The following PDE7B variants were observed in gnomAD, a reference collection of about 807,000 sequenced individuals.
PDE7B encodes the protein phosphodiesterase 7B.
Under a neutral mutation model 56.2 loss-of-function variants are expected in PDE7B, and 29 were observed. The observed-to-expected ratio is 0.52, with a 90% CI of 0.38 to 0.70. The LOEUF (loss-of-function observed/expected upper bound fraction) is 0.70. PDE7B is among the 30% of genes least tolerant of loss of function. The pLI is 0.00. For missense variants in PDE7B, 490 were observed against 565.0 expected, an observed-to-expected ratio of 0.87 and a Z score of 1.35; for synonymous variants, 197 against 196.9, an observed-to-expected ratio of 1.00 and a Z score of 0.00.
chr6:135,906,810 GTTTTTTTTTTTTTT>G (rs869049424), intron 1 of PDE7B, among the ~76,000 whole-genome samples: 1 of 59,506 alleles, frequency 1.7e-5, no homozygotes, highest in South Asian at 8.3e-4. Flanking sequence ...AATGAGGTTT[GTTTTTTTTTTTTTT>G]TTTTTTTTTT....
chr6:135,934,376 A>T (rs114528574), intron 1 of PDE7B, among the ~76,000 whole-genome samples: 1 of 152,158 alleles, frequency 6.6e-6, no homozygotes, highest in Non-Finnish European at 1.5e-5. Context: ...AACAAATTTT[A>T]TTTATTTATT....
At chr6:135,959,215 C>T (rs564020707) in intron 2 of PDE7B, among the ~76,000 whole-genome samples, 86 of 152,128 alleles carry the variant, frequency 5.7e-4, no homozygotes, top group African/African-American at 2.0e-3. Context: ...GCCAGAAATG[C>T]TAATAGGATA....
intron 1 of PDE7B, among the ~76,000 whole-genome samples, chr6:135,921,067 C>T (rs1356009478): frequency 6.6e-6 from 1 of 152,014 alleles, no homozygotes; most frequent in African/African-American, 2.4e-5. Context: ...GGTCAGGCCC[C>T]GAGGAGGATC....
chr6:135,924,276 G>T (rs1774143152), intron 1 of PDE7B, among the ~76,000 whole-genome samples: 1 of 152,168 alleles, frequency 6.6e-6, no homozygotes, highest in Non-Finnish European at 1.5e-5. Context: ...CAATTTAATT[G>T]TTCTGATGTA....
intron 9 of PDE7B, among the ~76,000 whole-genome samples, chr6:136,175,027 AAAG>A (rs1243306206): frequency 1.3e-5 from 2 of 152,196 alleles, no homozygotes. Flanking sequence ...TGAGGACAGG[AAAG>A]AAGAAAATGC....
chr6:135,958,289 G>A (rs900978131), intron 2 of PDE7B, among the ~76,000 whole-genome samples: 23 of 152,002 alleles, frequency 1.5e-4, no homozygotes, highest in Admixed American at 1.4e-3. Flanking sequence ...TTCATTTTCC[G>A]CTTCTATAAA....
chr6:136,000,974 C>T (rs1358021297), intron 2 of PDE7B, among the ~76,000 whole-genome samples: 1 of 152,212 alleles, frequency 6.6e-6, no homozygotes, highest in Non-Finnish European at 1.5e-5. Context: ...TGACACCTCA[C>T]ACAGCCGGGT....
At chr6:136,048,135 T>C (rs1013929771) in intron 2 of PDE7B, among the ~76,000 whole-genome samples, 1 of 151,096 alleles carries the variant, frequency 6.6e-6, no homozygotes, top group South Asian at 2.1e-4. Flanking sequence ...ATATATAATA[T>C]ACTAAATGTG....
chr6:136,009,267 A>G lies in PDE7B; in HGVS notation c.82+61743A>G, dbSNP rs375703000. Among the ~76,000 whole-genome samples the G allele has an allele frequency of 2.0e-3, 302 of 151,700 alleles. 2 individuals are homozygous for G. The East Asian group carries it at 0.028, about 14-fold the overall frequency. On this transcript the variant is annotated intron_variant, in intron 2 of 12. Coordinates refer to ENST00000308191, the MANE Select transcript of PDE7B (RefSeq NM_018945.4). Reference sequence around the variant, plus strand: ...GTAGTATAGTTTGAAGTCAGGTAGCATGATGCCTCCAGCTTTGTTCTTTTG... The same window carrying G: ...GTAGTATAGTTTGAAGTCAGGTAGCGTGATGCCTCCAGCTTTGTTCTTTTG...
At chr6:136,057,247 C>G (rs1253337780) in intron 2 of PDE7B, among the ~76,000 whole-genome samples, 1 of 152,194 alleles carries the variant, frequency 6.6e-6, no homozygotes, top group East Asian at 1.9e-4. Flanking sequence ...CCTTGAAGAT[C>G]AGGAAGCACT....
At chr6:136,156,018 A>G (rs1441679415) in intron 8 of PDE7B, 1 of 561,344 alleles carries the variant, frequency 1.8e-6, no homozygotes, top group Non-Finnish European at 3.4e-6. Context: ...TAAAATCTCT[A>G]AAGAGTAAAT....
chr6:135,905,184 C>G (rs1288022649), intron 1 of PDE7B, among the ~76,000 whole-genome samples: 1 of 152,130 alleles, frequency 6.6e-6, no homozygotes, highest in Non-Finnish European at 1.5e-5. Flanking sequence ...ACTAAAAAAT[C>G]AACCAAGTGC....
At chr6:136,170,085 A>G (rs1489083629) in intron 8 of PDE7B, among the ~76,000 whole-genome samples, 1 of 152,108 alleles carries the variant, frequency 6.6e-6, no homozygotes, top group African/African-American at 2.4e-5. Flanking sequence ...AGCTTTCCTG[A>G]CTTGTGTTTT....
At chr6:136,069,996 A>G (rs1400630370) in intron 2 of PDE7B, among the ~76,000 whole-genome samples, 1 of 152,176 alleles carries the variant, frequency 6.6e-6, no homozygotes, top group African/African-American at 2.4e-5. Flanking sequence ...TATTAAACTG[A>G]TAAATATCAA....
chr6:135,967,275 C>G (rs866168396), intron 2 of PDE7B, among the ~76,000 whole-genome samples: 6 of 152,106 alleles, frequency 3.9e-5, no homozygotes, highest in African/African-American at 1.4e-4. Context: ...TCCAACAACC[C>G]GCTATGTAAC....
chr6:136,116,851 A>G (rs1777839385), intron 3 of PDE7B, among the ~76,000 whole-genome samples: 1 of 152,200 alleles, frequency 6.6e-6, no homozygotes, highest in South Asian at 2.1e-4. Context: ...GGGCCCCTGT[A>G]TTTTTAGTTT....
chr6:135,974,057 A>G (rs2128203314), intron 2 of PDE7B, among the ~76,000 whole-genome samples: 1 of 152,332 alleles, frequency 6.6e-6, no homozygotes, highest in Non-Finnish European at 1.5e-5. Context: ...CATTCCTAAC[A>G]TCTTGGTAAT....
At chr6:136,166,680 A>T (rs767058989) in intron 8 of PDE7B, among the ~76,000 whole-genome samples, 9 of 152,138 alleles carry the variant, frequency 5.9e-5, no homozygotes, top group Non-Finnish European at 1.2e-4. Context: ...AACCACACTC[A>T]TAATCCAATC....
At chr6:136,165,003 T>A (rs1233696147) in intron 8 of PDE7B, among the ~76,000 whole-genome samples, 2 of 152,220 alleles carry the variant, frequency 1.3e-5, no homozygotes, top group African/African-American at 4.8e-5. Context: ...ACATCTTTTG[T>A]AACCACTTAT....
Sources: allele counts gnomAD v4.1 joint callset (sites outside exome capture counted in the v4.1 genomes callset), GRCh38; gene constraint gnomAD v4.1.1; transcripts MANE v1.5; gene names NCBI Gene and HGNC (gene_info 2026-07-23, HGNC 2026-07-21).